Variants in SLC2A10 observed in about 807,000 individuals in gnomAD.
SLC2A10 encodes solute carrier family 2, facilitated glucose transporter member 10.
Under a neutral mutation model 32.1 loss-of-function variants are expected in SLC2A10, and 25 were observed. That is an observed-to-expected ratio of 0.78 (90% CI 0.57 to 1.09). The LOEUF (loss-of-function observed/expected upper bound fraction) is 1.09, where lower values mean the gene tolerates loss of function less well. Ranked by LOEUF, SLC2A10 falls within the 50% of genes least tolerant of loss-of-function variation. The pLI, the probability that SLC2A10 is intolerant of heterozygous loss-of-function variation, is 0.00. For synonymous variants in SLC2A10, 332 were observed against 309.6 expected (o/e 1.07, Z -0.76); for missense variants, 673 against 686.5 (o/e 0.98, Z 0.22).
chr20:46,725,866 G>C lies in SLC2A10; in HGVS notation c.830G>C (p.Gly277Ala), dbSNP rs1000399273. ...SSAVLASVGL[G>A]AVKVAATLTA... ...GCCGTGCTGGCCTCTGTGGGGCTTG[G>C]CGCAGTGAAGGTGGCAGCTACCCTG... Residue 277 changes from glycine (G) to alanine (A), a missense_variant, in exon 2 of 5, where the codon GGC (glycine) becomes GCC (alanine). Transcript: ENST00000359271. 1.9e-5 allele frequency: 30 copies of C among 1,614,250 alleles called. No homozygotes were observed. Among genetic ancestry groups the C allele is most frequent in the Non-Finnish European group, 2.5e-5 (30 of 1,180,036 alleles).
Position 46,719,077 on chromosome 20 carries a change from C to T in SLC2A10, c.5-5964C>T, listed in dbSNP as rs182680495. 1.8e-3 allele frequency among the ~76,000 whole-genome samples: 276 copies of T among 152,204 alleles called. 1 individual carries two copies. Among genetic ancestry groups the T allele is most frequent in the South Asian group, 3.1e-3 (15 of 4,818 alleles). ...GATTACAGGCATGAGCTACCACATT[C>T]GGCTTTAGCTGTGTATTTTAAGTTT... On this transcript the variant is annotated intron_variant, in intron 1 of 4. Transcript: ENST00000359271.
At chr20:46,733,039 T>G (rs1980378367) in intron 4 of SLC2A10, among the ~76,000 whole-genome samples, 1 of 151,934 alleles carries the variant, frequency 6.6e-6, no homozygotes, top group Non-Finnish European at 1.5e-5. Flanking sequence ...AGATGGGATG[T>G]TAGGCTGAGC....
upstream of SLC2A10, chr20:46,709,638 C>A: frequency 7.0e-7 from 1 of 1,437,488 alleles, no homozygotes; most frequent in South Asian, 1.3e-5. Flanking sequence ...CGGGGGCGGG[C>A]CGGAAAGTTT....
rs904466411 is a variant in SLC2A10, at chr20:46,734,429, C to A, written c.*595C>A. On this transcript the variant is annotated 3_prime_UTR_variant, in exon 5 of 5. Coordinates refer to ENST00000359271, the MANE Select transcript of SLC2A10 (RefSeq NM_030777.4). The stretch of plus-strand genomic sequence containing the variant: ...AAGCAGCTGGGACTACAGGCGCATG[C>A]AACCATACCCAGCTAATTTATTTTT... The A allele has an allele frequency of 1.9e-5, 3 of 161,466 alleles. No homozygotes were observed. Among genetic ancestry groups the A allele is most frequent in the African/African-American group, 7.2e-5 (3 of 41,456 alleles). The allele number at this position is 161,466 out of a possible 1,614,324, so 10.0% of individuals were successfully genotyped here.
intron 1 of SLC2A10, among the ~76,000 whole-genome samples, chr20:46,713,039 G>C (rs149299561): frequency 1.3e-5 from 2 of 152,138 alleles, no homozygotes; most frequent in Non-Finnish European, 2.9e-5. Context: ...AGATGTTCAT[G>C]AGCCAAGATC....
intron 1 of SLC2A10, among the ~76,000 whole-genome samples, chr20:46,717,831 G>A (rs1324495756): frequency 6.6e-6 from 1 of 152,166 alleles, no homozygotes; most frequent in Non-Finnish European, 1.5e-5. Flanking sequence ...AGGAGGGAGC[G>A]CTCACTGTCT....
chr20:46,726,471 C>T, intron 2 of SLC2A10, 147 bp downstream of exon 2: 1 of 1,217,014 alleles, frequency 8.2e-7, no homozygotes, highest in Non-Finnish European at 1.2e-6. Context: ...CCCTCACTTA[C>T]CTGCAGTTGC....
At chr20:46,718,502 C>T (rs1000855701) in intron 1 of SLC2A10, among the ~76,000 whole-genome samples, 2 of 152,144 alleles carry the variant, frequency 1.3e-5, no homozygotes, top group African/African-American at 4.8e-5. Flanking sequence ...AGCTTCTTCA[C>T]ACAAAGACTT....
At chr20:46,728,604 GTTTT>G (rs778644499) in intron 3 of SLC2A10, among the ~76,000 whole-genome samples, 5 of 101,338 alleles carry the variant, frequency 4.9e-5, no homozygotes, top group Admixed American at 1.1e-4. Context: ...TTCTGGGTGT[GTTTT>G]TTTTTTTTTT....
chr20:46,727,914 G>C (rs775606600), intron 3 of SLC2A10, among the ~76,000 whole-genome samples: 2 of 151,274 alleles, frequency 1.3e-5, no homozygotes, highest in Non-Finnish European at 2.9e-5. Flanking sequence ...GCCAACTTGG[G>C]AGGCTGGGGG....
Position 46,725,326 on chromosome 20 carries a change from CCCTGG to C in SLC2A10, c.297_301del (p.Trp100GlyfsTer39). The C allele has an allele frequency of 1.9e-6, 3 of 1,614,082 alleles. No homozygotes were observed. Among genetic ancestry groups the C allele is most frequent in the Non-Finnish European group, 2.5e-6 (3 of 1,180,040 alleles). On this transcript the variant is annotated frameshift_variant, in exon 2 of 5. Transcript: ENST00000359271. LOFTEE classifies it high-confidence loss of function. ...AGCCTGACCCTGGGCCTGGCTGGTTCCCTGGCCTGGCTGGTCCTGGGCCGCGCTGT... is the reference window on the plus strand; with the variant it reads ...AGCCTGACCCTGGGCCTGGCTGGTTCCCTGGCTGGTCCTGGGCCGCGCTGT...
rs780965802 is a variant in SLC2A10 at position 46,725,613 on chromosome 20, G to A, written c.577G>A (p.Ala193Thr). 2.2e-5 allele frequency: 35 copies of A among 1,614,024 alleles called. No homozygotes were observed. Among genetic ancestry groups the A allele is most frequent in the Non-Finnish European group, 2.9e-5 (34 of 1,180,028 alleles). The change falls in exon 2 of 5, where the codon GCA becomes ACA. Residue 193 changes from alanine (A) to threonine (T), a missense_variant. Physicochemically the swap from Ala to Thr is moderately conservative, Grantham distance 58. Coordinates refer to ENST00000359271, the MANE Select transcript of SLC2A10 (RefSeq NM_030777.4). ...LFLPAGTDET[A>T]THKDLIPLQG... is the part of the protein sequence containing the mutation. ...CCTCCCTGCTGGTACAGATGAGACT[G>A]CAACACACAAGGACCTCATCCCACT...
rs1053079970 is a variant in SLC2A10 at position 46,734,701 on chromosome 20, G to A, written c.*867G>A. 1 of 152,196 alleles carries A rather than the reference G, an allele frequency of 6.6e-6. No homozygotes were observed. The highest frequency in any genetic ancestry group is 2.4e-5 in the African/African-American group (1 of 41,392). The allele number at this position is 152,196 out of a possible 1,614,324, so 9.4% of individuals were successfully genotyped here. A position where few individuals can be genotyped will look rare whatever the true frequency, so the allele number is the denominator to read the frequency against. ...GTGTCATTGCTGTAGGAATGACCAC[G>A]GGCCTCAGTTTCCCCATTTGTATAA... On this transcript the variant is annotated 3_prime_UTR_variant, in exon 5 of 5. Coordinates refer to ENST00000359271, the MANE Select transcript of SLC2A10 (RefSeq NM_030777.4).
At chr20:46,716,111 G>A (rs189423269) in intron 1 of SLC2A10, among the ~76,000 whole-genome samples, 3 of 151,144 alleles carry the variant, frequency 2.0e-5, no homozygotes, top group East Asian at 1.9e-4. Context: ...TTATTCATTC[G>A]TAAATAATAC....
intron 1 of SLC2A10, among the ~76,000 whole-genome samples, chr20:46,723,196 T>G (rs1979655220): frequency 6.6e-6 from 1 of 152,212 alleles, no homozygotes; most frequent in Non-Finnish European, 1.5e-5. Context: ...ATCCTCATGG[T>G]TACCCCCCAT....
At chr20:46,715,481 G>T (rs1476849647) in intron 1 of SLC2A10, among the ~76,000 whole-genome samples, 3 of 152,162 alleles carry the variant, frequency 2.0e-5, no homozygotes, top group African/African-American at 7.2e-5. Context: ...AGGGAGGAGG[G>T]GCAAAGGGGG....
At position 46,725,178 on chromosome 20, in the gene SLC2A10, G is replaced by C. The variant is rs1252274574; in HGVS notation, c.142G>C (p.Glu48Gln). 6 of 1,614,086 alleles carry C rather than the reference G, an allele frequency of 3.7e-6. No homozygotes were observed. The highest frequency in any genetic ancestry group is 5.1e-6 in the Non-Finnish European group (6 of 1,180,042). ...CTTTGGGCTAAGCTGCTTGGAGCAG[G>C]AGTTCCTGGTGGGCAGCCTGCTCCT... ...LDFGLSCLEQ[E>Q]FLVGSLLLGA... Residue 48 changes from glutamate to glutamine, a missense_variant, in exon 2 of 5, where the codon GAG (glutamate) becomes CAG (glutamine). Physicochemically the swap from Glu to Gln is conservative, Grantham distance 29. Transcript: ENST00000359271.
chr20:46,711,711 C>G (rs1188906112), intron 1 of SLC2A10, among the ~76,000 whole-genome samples: 1 of 152,136 alleles, frequency 6.6e-6, no homozygotes, highest in Non-Finnish European at 1.5e-5. Flanking sequence ...CAGCAGGGAC[C>G]AGGGATTGGG....
chr20:46,709,674 T>C lies in SLC2A10; in HGVS notation c.-63T>C. On this transcript the variant is annotated 5_prime_UTR_variant, in exon 1 of 5. Coordinates refer to ENST00000359271, the MANE Select transcript of SLC2A10 (RefSeq NM_030777.4). ...GTCCGGCGGCAGCGGCGTTGGGGAC[T>C]CCGGCGGGGGATGCGCGCCCGGCCC... 2 of 1,531,528 alleles carry C rather than the reference T, an allele frequency of 1.3e-6. No individual in the cohort carries two copies. Among genetic ancestry groups the C allele is most frequent in the Non-Finnish European group, 1.8e-6 (2 of 1,139,802 alleles). 94.9% of individuals were successfully genotyped at this position (1,531,528 alleles called of 1,614,324 possible). A position where few individuals can be genotyped will look rare whatever the true frequency, so the allele number is the denominator to read the frequency against.
Sources: gnomAD v4.1 joint callset for allele counts (sites outside exome capture counted in the v4.1 genomes callset) on GRCh38, gnomAD v4.1.1 for gene constraint, MANE v1.5 for transcripts, NCBI Gene and HGNC (gene_info 2026-07-23, HGNC 2026-07-21) for gene names.